Variants in SORCS1 observed in about 807,000 individuals in gnomAD.
The protein encoded by SORCS1 is VPS10 domain-containing receptor SorCS1.
In SORCS1, 60 loss-of-function variants were observed where a neutral mutation model predicts 146.1. The ratio of observed to expected loss-of-function variants is 0.41; its 90% CI spans 0.33 to 0.51. The LOEUF is 0.51. Ranked by LOEUF, SORCS1 falls within the 20% of genes least tolerant of loss-of-function variation. SORCS1 has a pLI of 0.21. For missense variants in SORCS1, 1,352 were observed against 1,487.6 expected, an observed-to-expected ratio of 0.91 and a Z score of 1.50; for synonymous variants, 637 against 584.0, an observed-to-expected ratio of 1.09 and a Z score of -1.31.
chr10:106,653,717 G>C (rs1437400243), intron 17 of SORCS1, among the ~76,000 whole-genome samples: 2 of 152,138 alleles, frequency 1.3e-5, no homozygotes, highest in African/African-American at 2.4e-5. Flanking sequence ...GAACACTATA[G>C]ATCACTACAA....
chr10:106,968,767 T>A (rs888657955), intron 1 of SORCS1, among the ~76,000 whole-genome samples: 1 of 152,084 alleles, frequency 6.6e-6, no homozygotes, highest in Non-Finnish European at 1.5e-5. Flanking sequence ...TTTTTCATTA[T>A]CTCCTCTCAT....
At chr10:106,930,295 C>CA (rs1440113564) in intron 2 of SORCS1, among the ~76,000 whole-genome samples, 3 of 149,826 alleles carry the variant, frequency 2.0e-5, no homozygotes, top group South Asian at 4.3e-4. Context: ...AAAAAAAAAA[C>CA]AAAAAAACAA....
chr10:106,682,854 T>C (rs1466762937), intron 10 of SORCS1, among the ~76,000 whole-genome samples: 3 of 152,178 alleles, frequency 2.0e-5, no homozygotes, highest in Non-Finnish European at 2.9e-5. Context: ...TAAGAAAATG[T>C]AGAAATGTAC....
chr10:106,791,257 T>C (rs977666913), intron 3 of SORCS1, among the ~76,000 whole-genome samples: 2 of 152,230 alleles, frequency 1.3e-5, no homozygotes, highest in African/African-American at 4.8e-5. Context: ...ATAGTATTGA[T>C]TGTACAAATA....
At chr10:106,917,094 T>C (rs776681756) in intron 2 of SORCS1, among the ~76,000 whole-genome samples, 1 of 152,184 alleles carries the variant, frequency 6.6e-6, no homozygotes, top group Non-Finnish European at 1.5e-5. Flanking sequence ...GGCCAGCTCG[T>C]TCTCAGCTGA....
Position 106,699,353 on chromosome 10 carries a change from G to A in SORCS1, c.1274C>T (p.Ala425Val). Residue 425 changes from alanine (A) to valine (V), a missense_variant, in exon 9 of 26, where the codon GCA becomes GTA. By Grantham distance (64) the Ala-to-Val change is moderately conservative (BLOSUM62 0). Coordinates refer to ENST00000263054, the MANE Select transcript of SORCS1 (RefSeq NM_052918.5). ...ATTCTGGTTCCATTCTTGGACCGCT[G>A]CGAACACCTGATTCTCATCGGTGCT... Reference protein sequence around the residue: ...VISTDENQVFAAVQEWNQNDT... With the variant: ...VISTDENQVFVAVQEWNQNDT... The A allele has an allele frequency of 6.2e-7, 1 of 1,613,772 alleles. No homozygotes were observed.
chr10:107,063,211 G>A (rs1220286066), intron 1 of SORCS1, among the ~76,000 whole-genome samples: 3 of 152,152 alleles, frequency 2.0e-5, no homozygotes, highest in Non-Finnish European at 4.4e-5. Context: ...CAACATGCAA[G>A]GAGTTACTTC....
intron 1 of SORCS1, among the ~76,000 whole-genome samples, chr10:107,146,668 T>C (rs1378113087): frequency 1.3e-5 from 2 of 152,160 alleles, no homozygotes; most frequent in African/African-American, 4.8e-5. Context: ...CGCAGTAGAA[T>C]ATAGTGGTTA....
intron 10 of SORCS1, among the ~76,000 whole-genome samples, chr10:106,682,489 T>C (rs1482747610): frequency 2.6e-5 from 4 of 152,252 alleles, no homozygotes; most frequent in Non-Finnish European, 5.9e-5. Context: ...TCATCTTCAC[T>C]TTTTTAACTT....
intron 1 of SORCS1, among the ~76,000 whole-genome samples, chr10:107,081,904 T>G (rs181112911): frequency 2.6e-5 from 4 of 152,178 alleles, no homozygotes; most frequent in African/African-American, 9.6e-5. Flanking sequence ...GCTAGAAAAA[T>G]TCTCTCTTTG....
intron 6 of SORCS1, among the ~76,000 whole-genome samples, chr10:106,719,484 CT>C (rs1428358216): frequency 6.6e-6 from 1 of 150,948 alleles, no homozygotes; most frequent in Non-Finnish European, 1.5e-5. Flanking sequence ...ACCATCTTGG[CT>C]CACTGCAACC....
At chr10:107,039,332 GAAA>G (rs58915918) in intron 1 of SORCS1, among the ~76,000 whole-genome samples, 1 of 109,932 alleles carries the variant, frequency 9.1e-6, no homozygotes, top group South Asian at 3.0e-4. Context: ...CTCAAATAAA[GAAA>G]AAAAAAAAAA....
chr10:106,979,839 C>G (rs1956179389), intron 1 of SORCS1, among the ~76,000 whole-genome samples: 1 of 150,590 alleles, frequency 6.6e-6, no homozygotes, highest in South Asian at 2.1e-4. Context: ...GGTAACTTAA[C>G]CTCTAGATGC....
At chr10:106,582,486 G>A (rs78654695) in intron 24 of SORCS1, among the ~76,000 whole-genome samples, 1,569 of 152,292 alleles carry the variant, frequency 0.01, 29 homozygotes, top group African/African-American at 0.036. Context: ...ATTGGTGCCT[G>A]AGTATAAAGG....
At chr10:106,785,885 C>A (rs1946032996) in intron 3 of SORCS1, among the ~76,000 whole-genome samples, 1 of 152,146 alleles carries the variant, frequency 6.6e-6, no homozygotes, top group Non-Finnish European at 1.5e-5. Context: ...TTCCTTCCTT[C>A]TTCAGTTATT....
chr10:107,152,749 T>G (rs938922680), intron 1 of SORCS1, among the ~76,000 whole-genome samples: 8 of 152,234 alleles, frequency 5.3e-5, no homozygotes, highest in Non-Finnish European at 1.2e-4. Flanking sequence ...ATTAAACCTC[T>G]TTCCTTTAAA....
chr10:107,084,021 A>G (rs1281601978), intron 1 of SORCS1, among the ~76,000 whole-genome samples: 1 of 151,956 alleles, frequency 6.6e-6, no homozygotes, highest in African/African-American at 2.4e-5. Context: ...CTAAAACTAT[A>G]CAGAATATTA....
rs1362412475 is a variant in SORCS1, at chr10:107,110,493, T to C, written c.558+53476A>G. 5.3e-5 allele frequency among the ~76,000 whole-genome samples: 8 copies of C among 152,026 alleles called. No homozygotes were observed. In the East Asian group the frequency reaches 1.6e-3, roughly 30 times the overall value. ...TCACATGGCAAACACAAGAGCAAGCTAGAGAGTTGGGGAGGAGGGGCTACA... is the reference window on the plus strand; with the variant it reads ...TCACATGGCAAACACAAGAGCAAGCCAGAGAGTTGGGGAGGAGGGGCTACA... On this transcript the variant is annotated intron_variant, in intron 1 of 25. Coordinates refer to ENST00000263054, the MANE Select transcript of SORCS1 (RefSeq NM_052918.5).
chr10:107,013,287 G>C lies in SORCS1; in HGVS notation c.559-56707C>G, dbSNP rs144502180. Among the ~76,000 whole-genome samples the C allele has an allele frequency of 7.9e-5, 12 of 152,180 alleles. No individual in the cohort carries two copies. In the East Asian group the frequency reaches 2.3e-3, roughly 29 times the overall value. The stretch of plus-strand genomic sequence containing the variant: ...GGTAATGTGGGTCACATTTAACCGA[G>C]TCCAGGTTTCACTGAAATTCAGCAA... On this transcript the variant is annotated intron_variant, in intron 1 of 25. Coordinates refer to ENST00000263054, the MANE Select transcript of SORCS1 (RefSeq NM_052918.5).
Sources: gnomAD v4.1 joint callset for allele counts (sites outside exome capture counted in the v4.1 genomes callset) on GRCh38, gnomAD v4.1.1 for gene constraint, MANE v1.5 for transcripts, NCBI Gene and HGNC (gene_info 2026-07-23, HGNC 2026-07-21) for gene names.